The following ARHGAP20 variants were observed in gnomAD, a reference collection of about 807,000 sequenced individuals.
The protein encoded by ARHGAP20 is rho GTPase-activating protein 20.
ARHGAP20 carries 34 observed loss-of-function variants against 73.7 expected under a neutral mutation model. That is an observed-to-expected ratio of 0.46 (90% CI 0.35 to 0.61). ARHGAP20 has a LOEUF of 0.61. Among genes scored for constraint, ARHGAP20 ranks in the 20% least tolerant of loss-of-function variants. The pLI, the probability that ARHGAP20 is intolerant of heterozygous loss-of-function variation, is 0.00. For synonymous variants in ARHGAP20, 523 were observed against 518.2 expected, an observed-to-expected ratio of 1.01 and a Z score of -0.13; for missense variants, 1,314 against 1,420.9, an observed-to-expected ratio of 0.92 and a Z score of 1.21.
At chr11:110,639,800 T>C (rs942450211) in intron 2 of ARHGAP20, among the ~76,000 whole-genome samples, 6 of 152,082 alleles carry the variant, frequency 3.9e-5, no homozygotes, top group African/African-American at 1.4e-4. Context: ...AATATTCTGG[T>C]GAACGGCTAT....
At chr11:110,687,790 AC>A (rs1446218174) in intron 2 of ARHGAP20, among the ~76,000 whole-genome samples, 2 of 152,222 alleles carry the variant, frequency 1.3e-5, no homozygotes, top group Admixed American at 6.5e-5. Context: ...TTCAATAAGT[AC>A]ATGCTCAGAC....
At chr11:110,657,602 G>A (rs969469885) in intron 2 of ARHGAP20, among the ~76,000 whole-genome samples, 4 of 152,132 alleles carry the variant, frequency 2.6e-5, no homozygotes, top group South Asian at 2.1e-4. Flanking sequence ...CCTTAGAAAT[G>A]TCTAGGGCTG....
chr11:110,596,941 C>G (rs1947979074), intron 9 of ARHGAP20, among the ~76,000 whole-genome samples: 1 of 152,064 alleles, frequency 6.6e-6, no homozygotes, highest in Non-Finnish European at 1.5e-5. Context: ...CACATATAGA[C>G]CATGGAATAC....
chr11:110,624,443 A>T (rs1306035856), intron 3 of ARHGAP20, 132 bp from the exon 4 acceptor site: 7 of 665,206 alleles, frequency 1.1e-5, no homozygotes, highest in Non-Finnish European at 1.7e-5. Context: ...GTTCTCACTC[A>T]TAAGAGTGAG....
intron 8 of ARHGAP20, among the ~76,000 whole-genome samples, chr11:110,607,484 G>A (rs111554203): frequency 2.8e-4 from 42 of 152,224 alleles, no homozygotes; most frequent in African/African-American, 8.9e-4. Flanking sequence ...AAGTAATTAC[G>A]TCCTTTTAGT....
intron 1 of ARHGAP20, among the ~76,000 whole-genome samples, chr11:110,708,144 C>T (rs193000886): frequency 2.1e-4 from 32 of 152,048 alleles, no homozygotes; most frequent in Non-Finnish European, 2.8e-4. Context: ...AAAATAAGCA[C>T]GTGAAAAGAT....
intron 2 of ARHGAP20, among the ~76,000 whole-genome samples, chr11:110,689,050 G>A (rs1367873409): frequency 2.0e-5 from 3 of 150,120 alleles, no homozygotes; most frequent in South Asian, 2.1e-4. Context: ...CCAGGCTGGA[G>A]TGCAGTGGCA....
In ARHGAP20 at chr11:110,671,566, C is replaced by A. The variant is rs1949828441; in HGVS notation, c.188+18981G>T. Among the ~76,000 whole-genome samples the A allele has an allele frequency of 2.6e-5, 4 of 151,902 alleles. No individual in the cohort carries two copies. The South Asian group carries it at 6.2e-4, about 24-fold the overall frequency. On this transcript the variant is annotated intron_variant, in intron 2 of 14. Transcript: ENST00000683387. ...GAAGAAGTAAAACCATTTTTATTCA[C>A]AAAGGGAATGAATGTGTATGTAGAA...
At chr11:110,693,815 T>C (rs926584943) in intron 1 of ARHGAP20, among the ~76,000 whole-genome samples, 4 of 151,876 alleles carry the variant, frequency 2.6e-5, no homozygotes, top group Non-Finnish European at 4.4e-5. Flanking sequence ...AGGCTTACGT[T>C]ATGCTTATCT....
intron 1 of ARHGAP20, among the ~76,000 whole-genome samples, chr11:110,702,154 G>A (rs1224667218): frequency 1.3e-5 from 2 of 151,992 alleles, no homozygotes; most frequent in Non-Finnish European, 2.9e-5. Context: ...CTGGCAAACC[G>A]AATCCAGCAG....
At chr11:110,636,154 T>C (rs891502677) in intron 2 of ARHGAP20, among the ~76,000 whole-genome samples, 2 of 152,110 alleles carry the variant, frequency 1.3e-5, no homozygotes, top group Non-Finnish European at 2.9e-5. Context: ...CTGATGATAG[T>C]TTAAGTTTTG....
intron 1 of ARHGAP20, 53 bp downstream of exon 1, chr11:110,712,074 G>C (rs972782069): frequency 1.6e-6 from 2 of 1,253,700 alleles, no homozygotes; most frequent in East Asian, 3.2e-5. Flanking sequence ...GGCGCGCGCC[G>C]GCAGTGGGGG....
At chr11:110,623,989 T>C (rs1948682693) in intron 4 of ARHGAP20, among the ~76,000 whole-genome samples, 173 bp downstream of exon 4, 1 of 152,226 alleles carries the variant, frequency 6.6e-6, no homozygotes, top group African/African-American at 2.4e-5. Flanking sequence ...TACAAGTATT[T>C]TGGTTGGGTG....
In ARHGAP20 at chr11:110,580,749, C is replaced by A. The variant is rs1348322502; in HGVS notation, c.2197G>T (p.Ala733Ser). 6.2e-7 allele frequency: 1 copy of A among 1,614,094 alleles called. No individual in the cohort carries two copies. Among genetic ancestry groups the A allele is most frequent in the Admixed American group, 1.7e-5 (1 of 60,020 alleles). ...QKKLRKSSCD[A>S]ILSQKDEDYL... ...TCTTCATCTTTTTGAGAAAGAATTGCATCACAGCTGGACTTGCGTAGCTTT... is the reference window on the plus strand; with the variant it reads ...TCTTCATCTTTTTGAGAAAGAATTGAATCACAGCTGGACTTGCGTAGCTTT... Residue 733 changes from alanine to serine, a missense_variant, in exon 15 of 15, where the codon GCA becomes TCA. Transcript: ENST00000683387.
At chr11:110,600,803 C>T (rs1480569238) in intron 9 of ARHGAP20, among the ~76,000 whole-genome samples, 1 of 151,776 alleles carries the variant, frequency 6.6e-6, no homozygotes, top group African/African-American at 2.4e-5. Context: ...CTAGAGCTTT[C>T]CCACTGGGGA....
chr11:110,651,778 G>C (rs1239305785), intron 2 of ARHGAP20, among the ~76,000 whole-genome samples: 2 of 151,390 alleles, frequency 1.3e-5, no homozygotes, highest in Admixed American at 1.3e-4. Flanking sequence ...CCCAGGACTA[G>C]ACAGATTTAT....
rs1316433434 is a variant in ARHGAP20 at position 110,606,544 on chromosome 11, T to C, written c.964+17A>G. ...ATTTATGTTCAAGAACGAAAACTTT[T>C]GCTAGAAGCAACTCACCACTCAGTT... is the stretch of plus-strand genomic sequence containing the variant. On this transcript the variant is annotated intron_variant, in intron 9 of 14. Coordinates refer to ENST00000683387, the MANE Select transcript of ARHGAP20 (RefSeq NM_001384657.1). The C allele has an allele frequency of 6.3e-7, 1 of 1,598,096 alleles. No individual in the cohort carries two copies. The highest frequency in any genetic ancestry group is 8.5e-7 in the Non-Finnish European group (1 of 1,174,946).
chr11:110,630,791 C>G lies in ARHGAP20; in HGVS notation c.190G>C (p.Asp64His), dbSNP rs757739907. ...GTGTCAACACTAGCAGAAGGACTGTCCCTGTAACAGATCAAATGCCACAGA... is the reference window on the plus strand; with the variant it reads ...GTGTCAACACTAGCAGAAGGACTGTGCCTGTAACAGATCAAATGCCACAGA... ...KALQKRPTTR[D>H]SPSASVDTCT... The change falls in exon 3 of 15, where the codon GAC becomes CAC. Residue 64 changes from aspartate to histidine, a missense_variant and splice_region_variant. By Grantham distance (81) the Asp-to-His change is moderately conservative. This residue lies in a region of ARHGAP20 where 443 missense variants were observed against 466.4 expected (regional missense o/e 0.95). Coordinates refer to ENST00000683387, the MANE Select transcript of ARHGAP20 (RefSeq NM_001384657.1). The G allele has an allele frequency of 6.2e-7, 1 of 1,612,092 alleles. No homozygotes were observed. Among genetic ancestry groups the G allele is most frequent in the South Asian group, 1.1e-5 (1 of 90,652 alleles).
intron 2 of ARHGAP20, among the ~76,000 whole-genome samples, chr11:110,661,728 T>C (rs1243676844): frequency 6.6e-6 from 1 of 152,132 alleles, no homozygotes; most frequent in Non-Finnish European, 1.5e-5. Context: ...AAAAGTACTC[T>C]GATATAACAT....
Sources: gnomAD v4.1 joint callset for allele counts (sites outside exome capture counted in the v4.1 genomes callset) on GRCh38, gnomAD v4.1.1 for gene constraint, gnomAD v4.1.1 regional missense constraint, MANE v1.5 for transcripts, NCBI Gene and HGNC (gene_info 2026-07-23, HGNC 2026-07-21) for gene names.